The following ZFHX3 variants were observed in gnomAD, a reference collection of about 807,000 sequenced individuals.
ZFHX3 encodes the protein zinc finger homeobox protein 3.
ZFHX3 carries 42 observed loss-of-function variants against 279.1 expected under a neutral mutation model. The ratio of observed to expected loss-of-function variants is 0.15; its 90% CI spans 0.12 to 0.19. The LOEUF (loss-of-function observed/expected upper bound fraction) is 0.19. Ranked by LOEUF, ZFHX3 falls within the 10% of genes least tolerant of loss-of-function variation. ZFHX3 has a pLI of 1.00. For missense variants in ZFHX3, 4,981 were observed against 4,754.0 expected, an observed-to-expected ratio of 1.05 and a Z score of -1.40; for synonymous variants, 2,293 against 1,957.8, an observed-to-expected ratio of 1.17 and a Z score of -4.52.
At chr16:73,201,505 T>G (rs1411811225) in intron 5 of ZFHX3, among the ~76,000 whole-genome samples, 4 of 152,260 alleles carry the variant, frequency 2.6e-5, no homozygotes, top group Non-Finnish European at 4.4e-5. Flanking sequence ...CAATTTTATC[T>G]GTGAACAATC....
Position 73,783,694 on chromosome 16 carries a change from G to A in ZFHX3, c.-1607-103454C>T, listed in dbSNP as rs140728052. Reference sequence around the variant, plus strand: ...AAATTATAACCACAGCTAACACTATGTACCAGTCACAGTGGTAAGGACTTT... The same window carrying A: ...AAATTATAACCACAGCTAACACTATATACCAGTCACAGTGGTAAGGACTTT... On this transcript the variant is annotated intron_variant, in intron 1 of 17. Transcript: ENST00000641206. Among the ~76,000 whole-genome samples, 382 of 152,314 alleles carry A rather than the reference G, an allele frequency of 2.5e-3. 4 individuals carry two copies. The highest frequency in any genetic ancestry group is 8.5e-3 in the African/African-American group (355 of 41,580).
chr16:73,423,634 G>T (rs560719195), intron 3 of ZFHX3, among the ~76,000 whole-genome samples: 1 of 152,324 alleles, frequency 6.6e-6, no homozygotes, highest in Admixed American at 6.5e-5. Flanking sequence ...GGCCGAGGCA[G>T]GTAGATCACC....
At chr16:73,118,383 A>G (rs1966456884) in intron 7 of ZFHX3, among the ~76,000 whole-genome samples, 1 of 151,518 alleles carries the variant, frequency 6.6e-6, no homozygotes, top group African/African-American at 2.4e-5. Context: ...TAATTTTTGT[A>G]TTTTTAGTAG....
At chr16:73,523,595 G>A (rs1187202627) in intron 2 of ZFHX3, among the ~76,000 whole-genome samples, 1 of 150,104 alleles carries the variant, frequency 6.7e-6, no homozygotes, top group East Asian at 2.0e-4. Flanking sequence ...CAGTGCTGGG[G>A]GTAGGGGGCA....
chr16:73,227,244 C>T (rs1213599907), intron 5 of ZFHX3, among the ~76,000 whole-genome samples: 1 of 152,026 alleles, frequency 6.6e-6, no homozygotes, highest in Non-Finnish European at 1.5e-5. Context: ...TCTTTTTAAC[C>T]TGTGGTTCTT....
chr16:72,797,221 C>G lies in ZFHX3; in HGVS notation c.5461G>C (p.Ala1821Pro). 1 of 1,613,912 alleles carries G rather than the reference C, an allele frequency of 6.2e-7. No homozygotes were observed. The highest frequency in any genetic ancestry group is 8.5e-7 in the Non-Finnish European group (1 of 1,179,950). Reference sequence around the variant, plus strand: ...GGGCCTGTCCCAGTCAGTGTCAGTGCCCCACTGGTCACTGGCAAGCTCACC... The same window carrying G: ...GGGCCTGTCCCAGTCAGTGTCAGTGGCCCACTGGTCACTGGCAAGCTCACC... ...PEVSLPVTSGALTLTGTGPGL... is the reference protein window; with the variant it reads ...PEVSLPVTSGPLTLTGTGPGL... Residue 1821 changes from alanine (A) to proline (P), a missense_variant, in exon 9 of 10, where the codon GCA becomes CCA. Physicochemically the swap from Ala to Pro is conservative, Grantham distance 27. Coordinates refer to ENST00000268489, the MANE Select transcript of ZFHX3 (RefSeq NM_006885.4).
At chr16:73,084,261 A>G (rs997155656) in intron 8 of ZFHX3, among the ~76,000 whole-genome samples, 1 of 152,202 alleles carries the variant, frequency 6.6e-6, no homozygotes, top group African/African-American at 2.4e-5. Context: ...GGCAAGAGAA[A>G]GAAATAAAGT....
chr16:73,105,969 C>T (rs1966299160), intron 7 of ZFHX3, among the ~76,000 whole-genome samples: 1 of 129,606 alleles, frequency 7.7e-6, no homozygotes, highest in African/African-American at 2.8e-5. Context: ...TGTGCTTAGG[C>T]TCATGCAATA....
chr16:73,500,680 G>A (rs1266714038), intron 2 of ZFHX3, among the ~76,000 whole-genome samples: 13 of 75,716 alleles, frequency 1.7e-4, no homozygotes, highest in South Asian at 8.7e-4. Flanking sequence ...AAAAAAAAGA[G>A]TTTTAAAATA....
intron 3 of ZFHX3, among the ~76,000 whole-genome samples, chr16:72,914,994 GCAAA>G (rs1290337005): frequency 3.3e-5 from 5 of 151,928 alleles, no homozygotes; most frequent in Non-Finnish European, 7.4e-5. Flanking sequence ...CCATCTAAAA[GCAAA>G]CAAACAAACA....
intron 3 of ZFHX3, among the ~76,000 whole-genome samples, chr16:73,337,779 G>A (rs539890362): frequency 1.8e-4 from 27 of 150,688 alleles, no homozygotes; most frequent in African/African-American, 6.3e-4. Context: ...CACCAGCAAC[G>A]TCATCACTTC....
In ZFHX3 at chr16:73,838,797, C is replaced by T. The variant is rs114723642; in HGVS notation, c.-1608+52854G>A. On this transcript the variant is annotated intron_variant, in intron 1 of 17. Coordinates refer to the ZFHX3 transcript ENST00000641206. The stretch of plus-strand genomic sequence containing the variant: ...GTGTGTGTGTGTGTGTGTGCGTGCG[C>T]GCACGCATGTATGGTGTGTACCGCT... 2.8e-3 allele frequency among the ~76,000 whole-genome samples: 432 copies of T among 151,724 alleles called. 4 individuals carry two copies. The highest frequency in any genetic ancestry group is 8.7e-3 in the African/African-American group (359 of 41,274).
At chr16:73,388,397 A>AC (rs2016943647) in intron 3 of ZFHX3, among the ~76,000 whole-genome samples, 1 of 152,176 alleles carries the variant, frequency 6.6e-6, no homozygotes, top group Non-Finnish European at 1.5e-5. Flanking sequence ...AAGTACGTTG[A>AC]CCCCAAGAAA....
chr16:72,879,989 C>T (rs545273695), intron 4 of ZFHX3, among the ~76,000 whole-genome samples: 38 of 152,282 alleles, frequency 2.5e-4, no homozygotes, highest in Admixed American at 1.3e-3. Flanking sequence ...CTTTTCCTGT[C>T]CTAACAAGTG....
At chr16:72,945,894 A>G (rs539940478) in intron 3 of ZFHX3, among the ~76,000 whole-genome samples, 2 of 152,152 alleles carry the variant, frequency 1.3e-5, no homozygotes, top group East Asian at 1.9e-4. Flanking sequence ...ATGTGTAGCT[A>G]TCTTCCTAAG....
intron 2 of ZFHX3, among the ~76,000 whole-genome samples, chr16:73,569,086 G>C (rs1201660184): frequency 6.6e-6 from 1 of 152,192 alleles, no homozygotes; most frequent in East Asian, 1.9e-4. Context: ...ATAGAGAGAA[G>C]TCAAGCCAGG....
intron 2 of ZFHX3, among the ~76,000 whole-genome samples, chr16:73,571,266 C>T (rs1239378133): frequency 3.3e-5 from 5 of 151,790 alleles, no homozygotes; most frequent in Non-Finnish European, 1.5e-5. Context: ...CTAGATATAC[C>T]GCTCCTACCT....
chr16:73,171,910 T>C (rs966586421), intron 5 of ZFHX3, among the ~76,000 whole-genome samples: 1 of 152,154 alleles, frequency 6.6e-6, no homozygotes, highest in African/African-American at 2.4e-5. Flanking sequence ...CTAAATACCC[T>C]AATTTGATCA....
intron 1 of ZFHX3, among the ~76,000 whole-genome samples, chr16:73,866,133 G>A (rs1463856631): frequency 6.7e-6 from 1 of 149,298 alleles, no homozygotes; most frequent in South Asian, 2.1e-4. Flanking sequence ...CTACCAAGTA[G>A]CTGGGACTAC....
Sources: allele counts gnomAD v4.1 joint callset (sites outside exome capture counted in the v4.1 genomes callset), GRCh38; gene constraint gnomAD v4.1.1; transcripts MANE v1.5; gene names NCBI Gene and HGNC (gene_info 2026-07-23, HGNC 2026-07-21).